Variants in NTAQ1 observed in about 807,000 individuals in gnomAD.
NTAQ1 encodes N-terminal glutamine amidase 1.
NTAQ1 carries 21 observed loss-of-function variants against 28.2 expected under a neutral mutation model. The observed-to-expected ratio is 0.74, with a 90% CI of 0.53 to 1.07. NTAQ1 has a LOEUF of 1.07. Ranked by LOEUF, NTAQ1 falls within the 50% of genes least tolerant of loss-of-function variation. The pLI is 0.00. For synonymous variants in NTAQ1, 105 were observed against 90.0 expected, an observed-to-expected ratio of 1.17 and a Z score of -0.94; for missense variants, 264 against 256.6, an observed-to-expected ratio of 1.03 and a Z score of -0.20.
intron 6 of NTAQ1, among the ~76,000 whole-genome samples, chr8:123,457,216 A>G (rs888452846): frequency 2.0e-5 from 3 of 152,080 alleles, no homozygotes; most frequent in Non-Finnish European, 4.4e-5. Flanking sequence ...ACAACTGTGA[A>G]CCACCATGCC....
At chr8:123,436,751 C>A in intron 4 of NTAQ1, 150 bp downstream of exon 4, 2 of 820,590 alleles carry the variant, frequency 2.4e-6, no homozygotes, top group Non-Finnish European at 3.6e-6. Context: ...ATTTGCAACA[C>A]AGGAGATTCA....
intron 6 of NTAQ1, among the ~76,000 whole-genome samples, chr8:123,457,898 G>T (rs1815694310): frequency 6.6e-6 from 1 of 151,998 alleles, no homozygotes; most frequent in Non-Finnish European, 1.5e-5. Flanking sequence ...GCTGGGCGTG[G>T]TGTCATGTGC....
intron 3 of NTAQ1, among the ~76,000 whole-genome samples, chr8:123,432,837 G>A (rs1039908607): frequency 9.2e-5 from 14 of 151,600 alleles, no homozygotes; most frequent in African/African-American, 2.9e-4. Flanking sequence ...TGTGGCACAC[G>A]CCTGGCTAAT....
intron 2 of NTAQ1, 152 bp downstream of exon 2, chr8:123,428,175 G>A (rs1213160827): frequency 3.6e-6 from 2 of 552,174 alleles, no homozygotes; most frequent in African/African-American, 1.9e-5. Flanking sequence ...GCTTGCTTTT[G>A]AATGAGATTT....
chr8:123,463,750 A>G (rs1303501130), intron 6 of NTAQ1, among the ~76,000 whole-genome samples: 2 of 152,176 alleles, frequency 1.3e-5, no homozygotes, highest in African/African-American at 4.8e-5. Flanking sequence ...AGGATGAGAC[A>G]CAGGGAGGTG....
chr8:123,438,286 C>A, intron 5 of NTAQ1: 1 of 674,516 alleles, frequency 1.5e-6, no homozygotes. Context: ...CATCCCAACA[C>A]CTGGATAATA....
downstream of NTAQ1, among the ~76,000 whole-genome samples, chr8:123,470,341 C>T (rs1816029142): frequency 6.6e-6 from 1 of 152,158 alleles, no homozygotes; most frequent in Non-Finnish European, 1.5e-5. Flanking sequence ...GTTACCGTGG[C>T]CTCCGCAGTC....
downstream of NTAQ1, among the ~76,000 whole-genome samples, chr8:123,452,743 A>T (rs1414851610): frequency 9.5e-6 from 1 of 105,290 alleles, no homozygotes; most frequent in African/African-American, 3.2e-5. Context: ...CTTTACTAAA[A>T]ATACAAAAAA....
At chr8:123,426,659 T>C in intron 1 of NTAQ1, among the ~76,000 whole-genome samples, 1 of 151,758 alleles carries the variant, frequency 6.6e-6, no homozygotes, top group Non-Finnish European at 1.5e-5. Flanking sequence ...AGTGAGACCC[T>C]GTCTCTAAAA....
intron 1 of NTAQ1, among the ~76,000 whole-genome samples, chr8:123,424,044 G>A (rs575270370): frequency 2.1e-5 from 3 of 144,614 alleles, no homozygotes; most frequent in East Asian, 4.1e-4. Flanking sequence ...TCCTACGCCC[G>A]GCTGATTTTG....
At chr8:123,418,060 C>T (rs1813415659) in intron 1 of NTAQ1, among the ~76,000 whole-genome samples, 1 of 152,186 alleles carries the variant, frequency 6.6e-6, no homozygotes, top group African/African-American at 2.4e-5. Flanking sequence ...TTATTAGGCA[C>T]TTGGAGTATG....
rs763776182 is a variant in NTAQ1, at chr8:123,442,009, C to T, written c.*594C>T. The T allele has an allele frequency of 6.6e-6, 1 of 152,508 alleles. No homozygotes were observed. The highest frequency in any genetic ancestry group is 1.5e-5 in the Non-Finnish European group (1 of 68,026). The allele number at this position is 152,508 out of a possible 1,614,324, so 9.4% of individuals were successfully genotyped here. A position where few individuals can be genotyped will look rare whatever the true frequency, so the allele number is the denominator to read the frequency against. On this transcript the variant is annotated 3_prime_UTR_variant, in exon 6 of 6. Transcript: ENST00000287387. ...ATTTATTTATGGCTTTAAATAAAAT[C>T]GATTTAACGTTAGTTTTGTTTTGAA...
intron 6 of NTAQ1, among the ~76,000 whole-genome samples, chr8:123,463,548 C>T (rs1815890001): frequency 6.6e-6 from 1 of 152,174 alleles, no homozygotes. Context: ...CTTCCCATTT[C>T]TCAGTTTTGA....
chr8:123,423,164 T>G (rs1813813561), intron 1 of NTAQ1, among the ~76,000 whole-genome samples: 1 of 152,054 alleles, frequency 6.6e-6, no homozygotes, highest in Non-Finnish European at 1.5e-5. Flanking sequence ...TTAGAATAGT[T>G]TCTTCTAATT....
intron 1 of NTAQ1, among the ~76,000 whole-genome samples, chr8:123,417,543 C>A (rs1046441356): frequency 2.0e-5 from 3 of 152,106 alleles, no homozygotes; most frequent in Admixed American, 6.6e-5. Context: ...GGTCTGGCCC[C>A]GGAATCCACG....
chr8:123,418,447 CA>C (rs11447317), intron 1 of NTAQ1, among the ~76,000 whole-genome samples: 31,155 of 126,602 alleles, frequency 0.25, 3,406 homozygotes, highest in Non-Finnish European at 0.28. Context: ...GACTCCATCT[CA>C]AAAAAAAAAA....
At chr8:123,472,007 GA>G (rs755780013), downstream of NTAQ1, among the ~76,000 whole-genome samples, 4 of 152,182 alleles carry the variant, frequency 2.6e-5, no homozygotes, top group Admixed American at 2.0e-4. Context: ...TGAAGAGATA[GA>G]AAGTTTAATT....
At chr8:123,448,962 G>A (rs949381444), downstream of NTAQ1, among the ~76,000 whole-genome samples, 5 of 152,234 alleles carry the variant, frequency 3.3e-5, no homozygotes, top group Non-Finnish European at 7.3e-5. Context: ...GACCAGACTA[G>A]ATGATTATAC....
chr8:123,450,760 T>C (rs1465689206), downstream of NTAQ1, among the ~76,000 whole-genome samples: 1 of 130,652 alleles, frequency 7.7e-6, no homozygotes, highest in African/African-American at 2.8e-5. Context: ...ACCACTCCAA[T>C]AACTCTTTGC....
Sources: gnomAD v4.1 joint callset for allele counts (sites outside exome capture counted in the v4.1 genomes callset) on GRCh38, gnomAD v4.1.1 for gene constraint, MANE v1.5 for transcripts, NCBI Gene and HGNC (gene_info 2026-07-23, HGNC 2026-07-21) for gene names.